Variants in ZNF385D observed in about 807,000 individuals in gnomAD.
ZNF385D encodes the protein zinc finger protein 659.
Under a neutral mutation model 35.8 loss-of-function variants are expected in ZNF385D, and 15 were observed. The observed-to-expected ratio is 0.42, with a 90% CI of 0.28 to 0.64. The LOEUF (loss-of-function observed/expected upper bound fraction) is 0.64, where lower values mean the gene tolerates loss of function less well. Ranked by LOEUF, ZNF385D falls within the 30% of genes least tolerant of loss-of-function variation. ZNF385D has a pLI of 0.23. For missense variants in ZNF385D, 474 were observed against 494.6 expected (o/e 0.96, Z 0.39); for synonymous variants, 212 against 186.8 (o/e 1.13, Z -1.10).
At position 21,931,006 on chromosome 3, in the gene ZNF385D, T is replaced by C. The variant is rs146172375; in HGVS notation, c.325+237811A>G. On this transcript the variant is annotated intron_variant, in intron 3 of 5. Coordinates refer to the ZNF385D transcript ENST00000494108. ...CTTCTGTGCTTTAAAAAGGACCCTA[T>C]GAAGACAATGAAATGCCAAGTCATA... Among the ~76,000 whole-genome samples, 61 of 152,070 alleles carry C rather than the reference T, an allele frequency of 4.0e-4. 1 individual carries two copies. The East Asian group carries it at 0.012, about 29-fold the overall frequency.
At chr3:22,237,314 GT>G (rs1699243041) in intron 2 of ZNF385D, among the ~76,000 whole-genome samples, 1 of 151,954 alleles carries the variant, frequency 6.6e-6, no homozygotes, top group Non-Finnish European at 1.5e-5. Context: ...CTGGCTATTT[GT>G]ATATCTCTTG....
chr3:22,338,070 C>T lies in ZNF385D; in HGVS notation c.106+34380G>A, dbSNP rs568052786. ...TACAGCTTATAACATATGCTGAAAA[C>T]ACAGTAACATCTCACTAAAATATGG... On this transcript the variant is annotated intron_variant, in intron 2 of 5. Transcript: ENST00000494108. Among the ~76,000 whole-genome samples the T allele has an allele frequency of 2.6e-5, 4 of 152,260 alleles. No homozygotes were observed. The East Asian group carries it at 5.8e-4, about 22-fold the overall frequency.
intron 3 of ZNF385D, among the ~76,000 whole-genome samples, chr3:21,846,179 A>T (rs1695995980): frequency 6.6e-6 from 1 of 152,046 alleles, no homozygotes; most frequent in African/African-American, 2.4e-5. Context: ...CTAGGGAAAC[A>T]GGCCAACATG....
In ZNF385D at chr3:21,833,793, C is replaced by T. The variant is rs188943502; in HGVS notation, c.326-168765G>A. The stretch of plus-strand genomic sequence containing the variant: ...AATCTCCCTGGCTCATTTTATTCAT[C>T]TGTAAAATGGGAAAACACAATCTAT... On this transcript the variant is annotated intron_variant, in intron 3 of 5. Transcript: ENST00000494108. Among the ~76,000 whole-genome samples the T allele has an allele frequency of 2.4e-4, 37 of 152,220 alleles. No homozygotes were observed. In the East Asian group the frequency reaches 7.2e-3, roughly 29 times the overall value.
intron 3 of ZNF385D, among the ~76,000 whole-genome samples, chr3:22,097,971 A>T (rs1206100378): frequency 2.0e-5 from 3 of 152,016 alleles, no homozygotes; most frequent in Non-Finnish European, 4.4e-5. Context: ...ACTAATGTTA[A>T]CCAATGACGA....
intron 2 of ZNF385D, among the ~76,000 whole-genome samples, chr3:22,263,374 A>G (rs1401619363): frequency 2.6e-5 from 4 of 151,926 alleles, no homozygotes; most frequent in Admixed American, 2.0e-4. Flanking sequence ...GATCTTCACA[A>G]AACTTTCATC....
chr3:21,933,046 G>A (rs504757), intron 3 of ZNF385D, among the ~76,000 whole-genome samples: 28,372 of 152,004 alleles, frequency 0.19, 3,410 homozygotes, highest in East Asian at 0.39. Context: ...GAGAGACAGC[G>A]GAAAACTTCC....
intron 3 of ZNF385D, among the ~76,000 whole-genome samples, chr3:21,562,910 G>A (rs1331893189): frequency 1.3e-5 from 2 of 152,010 alleles, no homozygotes; most frequent in Admixed American, 1.3e-4. Context: ...CAATTCTGTG[G>A]TAAAGTTCTA....
chr3:22,128,763 C>T (rs1703599532), intron 3 of ZNF385D, among the ~76,000 whole-genome samples: 1 of 152,008 alleles, frequency 6.6e-6, no homozygotes, highest in Non-Finnish European at 1.5e-5. Flanking sequence ...ATTTCAATGG[C>T]TTTGTTAAAT....
At chr3:22,228,744 A>G (rs1181550494) in intron 2 of ZNF385D, among the ~76,000 whole-genome samples, 1 of 152,176 alleles carries the variant, frequency 6.6e-6, no homozygotes, top group East Asian at 1.9e-4. Flanking sequence ...CAATCTGGGT[A>G]AGCACAATCT....
At chr3:21,440,534 C>T (rs1701807359) in intron 4 of ZNF385D, among the ~76,000 whole-genome samples, 1 of 151,864 alleles carries the variant, frequency 6.6e-6, no homozygotes, top group Non-Finnish European at 1.5e-5. Context: ...GATTCTAGGG[C>T]AAAAGAACAT....
chr3:22,352,825 C>T (rs1325810155), intron 2 of ZNF385D, among the ~76,000 whole-genome samples: 2 of 152,144 alleles, frequency 1.3e-5, no homozygotes. Context: ...ATAGCAGGTT[C>T]CTATCACATT....
At chr3:21,592,685 T>A (rs566449926) in intron 2 of ZNF385D, among the ~76,000 whole-genome samples, 51 of 152,260 alleles carry the variant, frequency 3.3e-4, no homozygotes, top group Non-Finnish European at 2.2e-4. Context: ...ATCAGATCGT[T>A]TAGAGGAGAA....
At chr3:22,046,896 G>A (rs570533617) in intron 3 of ZNF385D, among the ~76,000 whole-genome samples, 20 of 152,158 alleles carry the variant, frequency 1.3e-4, no homozygotes, top group Non-Finnish European at 1.5e-4. Flanking sequence ...TATGAAATCA[G>A]AAACACTTTA....
chr3:21,510,256 G>A (rs982953717), intron 4 of ZNF385D, among the ~76,000 whole-genome samples: 7 of 151,996 alleles, frequency 4.6e-5, no homozygotes, highest in African/African-American at 1.7e-4. Context: ...CTATCCCAAG[G>A]GGCCATTCAG....
chr3:22,245,311 A>G (rs545448202), intron 2 of ZNF385D, among the ~76,000 whole-genome samples: 6 of 152,228 alleles, frequency 3.9e-5, no homozygotes, highest in South Asian at 4.1e-4. Context: ...CATTCCTACC[A>G]TATGACAGAA....
intron 3 of ZNF385D, among the ~76,000 whole-genome samples, chr3:22,028,541 G>C (rs1175137250): frequency 2.0e-5 from 3 of 152,140 alleles, no homozygotes; most frequent in Non-Finnish European, 2.9e-5. Flanking sequence ...TGATTATTTC[G>C]GACCTCTTCC....
At chr3:22,250,881 T>C (rs1265512827) in intron 2 of ZNF385D, among the ~76,000 whole-genome samples, 1 of 151,996 alleles carries the variant, frequency 6.6e-6, no homozygotes, top group East Asian at 1.9e-4. Context: ...ATCCATGGGA[T>C]CCAAAGACCC....
chr3:21,622,262 G>T (rs1182206847), intron 2 of ZNF385D, among the ~76,000 whole-genome samples: 1 of 152,100 alleles, frequency 6.6e-6, no homozygotes, highest in Non-Finnish European at 1.5e-5. Context: ...AAAAGCAGTT[G>T]TCTTCAGACT....
Sources: gnomAD v4.1 joint callset for allele counts (sites outside exome capture counted in the v4.1 genomes callset) on GRCh38, gnomAD v4.1.1 for gene constraint, MANE v1.5 for transcripts, NCBI Gene and HGNC (gene_info 2026-07-23, HGNC 2026-07-21) for gene names.